CORO2B: variants seen among roughly 807,000 people sequenced by gnomAD.
CORO2B encodes coronin-2B.
CORO2B carries 26 observed loss-of-function variants against 58.8 expected under a neutral mutation model. The observed-to-expected ratio is 0.44, with a 90% CI of 0.32 to 0.61. CORO2B has a LOEUF of 0.61. CORO2B is among the 20% of genes least tolerant of loss of function. The probability of loss-of-function intolerance (pLI) is 0.04; values close to 1 mark genes in which losing one functional copy is unlikely to be tolerated. For synonymous variants in CORO2B, 242 were observed against 253.8 expected, an observed-to-expected ratio of 0.95 and a Z score of 0.44; for missense variants, 460 against 645.1, an observed-to-expected ratio of 0.71 and a Z score of 3.11.
At chr15:68,667,892 G>A (rs1359411686) in intron 2 of CORO2B, among the ~76,000 whole-genome samples, 1 of 152,198 alleles carries the variant, frequency 6.6e-6, no homozygotes, top group Non-Finnish European at 1.5e-5. Flanking sequence ...TCCTGACCCA[G>A]CCATTTGCTA....
the CORO2B span, among the ~76,000 whole-genome samples, chr15:68,551,907 C>T: frequency 6.6e-6 from 1 of 152,236 alleles, no homozygotes. Flanking sequence ...CGATGGCCCA[C>T]CTTCCCCTCT....
intron 2 of CORO2B, among the ~76,000 whole-genome samples, chr15:68,684,869 G>C (rs545262491): frequency 6.6e-6 from 1 of 152,340 alleles, no homozygotes; most frequent in South Asian, 2.1e-4. Context: ...CTCTGGGGGA[G>C]AAGGACTACA....
the CORO2B span, among the ~76,000 whole-genome samples, chr15:68,556,038 T>C: frequency 6.6e-6 from 1 of 152,216 alleles, no homozygotes. Context: ...AATCCACTCA[T>C]CTCTGCCCTT....
At chr15:68,568,761 A>C in the CORO2B span, among the ~76,000 whole-genome samples, 1 of 152,130 alleles carries the variant, frequency 6.6e-6, no homozygotes, top group African/African-American at 2.4e-5. Context: ...AAATACAGCA[A>C]GTTGGGAGCT....
upstream of CORO2B, chr15:68,578,949 C>T (rs1899341195): frequency 1.6e-6 from 1 of 630,716 alleles, no homozygotes; most frequent in Admixed American, 6.3e-5. The surrounding 1 kb of genome is among the most constrained non-coding windows in gnomAD (Gnocchi z 4.2). Context: ...GGCCCCTCTT[C>T]CTCCCCCCGC....
At chr15:68,578,744 G>C (rs993229115), upstream of CORO2B, among the ~76,000 whole-genome samples, 3 of 152,072 alleles carry the variant, frequency 2.0e-5, no homozygotes, top group Non-Finnish European at 2.9e-5. This position sits in a 1 kb window ranked among gnomAD's most constrained non-coding sequence, Gnocchi z 4.2. Context: ...GCAGGTGCCG[G>C]GAGCCAGCCT....
intron 2 of CORO2B, among the ~76,000 whole-genome samples, chr15:68,673,375 A>T (rs114311636): frequency 6.6e-6 from 1 of 151,790 alleles, no homozygotes; most frequent in South Asian, 2.1e-4. Context: ...TGAAAAAAAT[A>T]AAAAATTAGC....
intron 8 of CORO2B, among the ~76,000 whole-genome samples, chr15:68,718,462 A>G (rs1486492946): frequency 2.0e-5 from 3 of 152,148 alleles, no homozygotes; most frequent in Non-Finnish European, 2.9e-5. Flanking sequence ...AAAGGGTCCA[A>G]TTCTAAAGCA....
At chr15:68,653,442 A>G (rs544627504) in intron 2 of CORO2B, among the ~76,000 whole-genome samples, 1 of 152,118 alleles carries the variant, frequency 6.6e-6, no homozygotes, top group African/African-American at 2.4e-5. Flanking sequence ...CCTATGGCCA[A>G]ATCACAGAGG....
At chr15:68,705,711 AC>A (rs761653029) in intron 3 of CORO2B, among the ~76,000 whole-genome samples, 1 of 149,442 alleles carries the variant, frequency 6.7e-6, no homozygotes, top group African/African-American at 2.5e-5. Flanking sequence ...AGTTACCCTG[AC>A]CCCCCATCCC....
chr15:68,688,964 A>G (rs907582423), intron 2 of CORO2B, among the ~76,000 whole-genome samples: 33 of 152,012 alleles, frequency 2.2e-4, no homozygotes, highest in African/African-American at 7.9e-4. Context: ...TTGTATCTCA[A>G]AGACACCCTA....
In CORO2B at chr15:68,711,407, C is replaced by G. The variant is rs796176817; in HGVS notation, c.484-135C>G. 1.7e-5 allele frequency: 11 copies of G among 656,250 alleles called. No individual in the cohort carries two copies. The African/African-American group carries it at 2.0e-4, about 12-fold the overall frequency. 40.7% of individuals were successfully genotyped at this position (656,250 alleles called of 1,614,324 possible). On this transcript the variant is annotated intron_variant, in intron 4 of 11. Transcript: ENST00000261861. The stretch of plus-strand genomic sequence containing the variant: ...AGCCTTTCCATATAGAACTCAATGA[C>G]CCCCTCCTGCACCCCAGCACACCCC...
At chr15:68,582,614 A>T (rs1411930007) in intron 1 of CORO2B, among the ~76,000 whole-genome samples, 1 of 152,230 alleles carries the variant, frequency 6.6e-6, no homozygotes, top group Non-Finnish European at 1.5e-5. Flanking sequence ...ATTGCTATCA[A>T]CTGGAAAAGC....
intron 3 of CORO2B, among the ~76,000 whole-genome samples, chr15:68,695,820 A>C (rs1892497234): frequency 6.6e-6 from 1 of 152,138 alleles, no homozygotes; most frequent in African/African-American, 2.4e-5. Context: ...AAGAAACAGG[A>C]GAAGGGAGAT....
chr15:68,559,155 A>T, the CORO2B span, among the ~76,000 whole-genome samples: 4 of 152,240 alleles, frequency 2.6e-5, no homozygotes, highest in African/African-American at 9.6e-5. The surrounding 1 kb of genome is among the most constrained non-coding windows in gnomAD (Gnocchi z 4.3). Flanking sequence ...GGCAGGGAGC[A>T]GACCTGACTC....
chr15:68,554,227 G>A, the CORO2B span, among the ~76,000 whole-genome samples: 1 of 152,090 alleles, frequency 6.6e-6, no homozygotes, highest in Non-Finnish European at 1.5e-5. Context: ...TTGGGGAGGT[G>A]AGCAGCTGAA....
chr15:68,559,672 C>T, the CORO2B span: 4 of 980,924 alleles, frequency 4.1e-6, no homozygotes, highest in Admixed American at 6.2e-5. This position sits in a 1 kb window ranked among gnomAD's most constrained non-coding sequence, Gnocchi z 4.3. Flanking sequence ...GCCTCCGTTT[C>T]CGGTTTTCCG....
the CORO2B span, among the ~76,000 whole-genome samples, chr15:68,539,801 CCAAA>C: frequency 4.5e-3 from 688 of 151,852 alleles, 6 homozygotes; most frequent in African/African-American, 0.016. Flanking sequence ...TTGTATTGTC[CCAAA>C]CAAACAAAAG....
At chr15:68,621,517 G>C (rs997618283) in intron 1 of CORO2B, among the ~76,000 whole-genome samples, 5 of 152,198 alleles carry the variant, frequency 3.3e-5, no homozygotes, top group Non-Finnish European at 2.9e-5. Context: ...ACACTGGCCT[G>C]AACTGGAGAC....
Sources: gnomAD v4.1 joint callset for allele counts (sites outside exome capture counted in the v4.1 genomes callset) on GRCh38, gnomAD v4.1.1 for gene constraint, Gnocchi (gnomAD v3.1) non-coding constraint, MANE v1.5 for transcripts, NCBI Gene and HGNC (gene_info 2026-07-23, HGNC 2026-07-21) for gene names.